The following DYNC2I1 variants were observed in gnomAD, a reference collection of about 807,000 sequenced individuals.
DYNC2I1 encodes the protein dynein 2 intermediate chain 1.
Under a neutral mutation model 133.4 loss-of-function variants are expected in DYNC2I1, and 89 were observed. That is an observed-to-expected ratio of 0.67 (90% confidence interval 0.56 to 0.80). The LOEUF (loss-of-function observed/expected upper bound fraction) is 0.80. Ranked by LOEUF, DYNC2I1 falls within the 30% of genes least tolerant of loss-of-function variation. The probability of loss-of-function intolerance (pLI) is 0.00; values close to 1 mark genes in which losing one functional copy is unlikely to be tolerated. For missense variants in DYNC2I1, 1,291 were observed against 1,314.5 expected (o/e 0.98, Z 0.28); for synonymous variants, 504 against 484.3 (o/e 1.04, Z -0.54).
chr7:158,870,679 A>AT (rs1022337273), intron 2 of DYNC2I1, among the ~76,000 whole-genome samples: 5 of 151,502 alleles, frequency 3.3e-5, no homozygotes, highest in Non-Finnish European at 5.9e-5. Context: ...GGTCCTACTT[A>AT]TTTTTTTTGA....
intron 5 of DYNC2I1, among the ~76,000 whole-genome samples, chr7:158,880,761 GTACTTA>G (rs1186023388): frequency 2.0e-5 from 3 of 152,114 alleles, no homozygotes; most frequent in Non-Finnish European, 4.4e-5. Flanking sequence ...TTTCATCCCT[GTACTTA>G]GGATTTTCCT....
chr7:158,940,758 G>A (rs150588721), intron 23 of DYNC2I1, among the ~76,000 whole-genome samples: 145 of 152,190 alleles, frequency 9.5e-4, no homozygotes, highest in African/African-American at 3.4e-3. Context: ...AATTAAGAAG[G>A]ACATTTAAAA....
At chr7:158,912,184 A>G (rs935577481) in intron 12 of DYNC2I1, among the ~76,000 whole-genome samples, 3 of 152,136 alleles carry the variant, frequency 2.0e-5, no homozygotes, top group African/African-American at 4.8e-5. Flanking sequence ...TCTTTCTCCT[A>G]TTCCAGAGTT....
downstream of DYNC2I1, among the ~76,000 whole-genome samples, chr7:158,957,374 A>C (rs1033684692): frequency 3.3e-5 from 5 of 152,182 alleles, no homozygotes; most frequent in Admixed American, 3.3e-4. Context: ...ACCCCTGGGA[A>C]GTGTGTTGTG....
intron 1 of DYNC2I1, among the ~76,000 whole-genome samples, chr7:158,857,231 C>T (rs1841351321): frequency 6.6e-6 from 1 of 152,154 alleles, no homozygotes; most frequent in Non-Finnish European, 1.5e-5. Flanking sequence ...ACTCACTTAA[C>T]ATGTCTTGTT....
chr7:158,860,113 T>C (rs1340481790), intron 1 of DYNC2I1, among the ~76,000 whole-genome samples: 1 of 151,756 alleles, frequency 6.6e-6, no homozygotes, highest in Non-Finnish European at 1.5e-5. Flanking sequence ...TGGAGTGCAG[T>C]GGTATGATCT....
At chr7:158,927,456 C>A (rs1849740451) in intron 20 of DYNC2I1, among the ~76,000 whole-genome samples, 1 of 150,630 alleles carries the variant, frequency 6.6e-6, no homozygotes, top group Admixed American at 6.6e-5. Flanking sequence ...ATATAAATTA[C>A]TACCTGAAAA....
At chr7:158,877,281 C>T (rs1054916467) in intron 4 of DYNC2I1, among the ~76,000 whole-genome samples, 1 of 149,732 alleles carries the variant, frequency 6.7e-6, no homozygotes, top group Admixed American at 6.7e-5. Flanking sequence ...GCTCTCCAGG[C>T]ACCTGCGGTT....
At chr7:158,898,650 A>G (rs1296483861) in intron 8 of DYNC2I1, among the ~76,000 whole-genome samples, 1 of 152,176 alleles carries the variant, frequency 6.6e-6, no homozygotes. Context: ...ATCCTCTCTG[A>G]CAATCTCTGT....
intron 14 of DYNC2I1, among the ~76,000 whole-genome samples, chr7:158,915,737 A>C (rs1848125401): frequency 6.8e-6 from 1 of 148,020 alleles, no homozygotes; most frequent in Admixed American, 6.7e-5. Context: ...ACGCTGGTTG[A>C]CATTAAGGAT....
intron 5 of DYNC2I1, among the ~76,000 whole-genome samples, chr7:158,883,882 T>G (rs1289186478): frequency 6.7e-6 from 1 of 150,224 alleles, no homozygotes; most frequent in Non-Finnish European, 1.5e-5. Context: ...GCCAGGATGG[T>G]CTCGATCTCC....
chr7:158,852,174 T>C (rs1841073098), upstream of DYNC2I1, among the ~76,000 whole-genome samples: 1 of 151,676 alleles, frequency 6.6e-6, no homozygotes, highest in Non-Finnish European at 1.5e-5. Context: ...TTGTCTGGAG[T>C]GCAGTGGTGT....
chr7:158,883,304 G>A (rs1488792636), intron 5 of DYNC2I1, among the ~76,000 whole-genome samples: 3 of 148,948 alleles, frequency 2.0e-5, no homozygotes, highest in Admixed American at 1.4e-4. Flanking sequence ...TGCAGCCTCC[G>A]CCTCCTGGGT....
the DYNC2I1 span, among the ~76,000 whole-genome samples, chr7:158,843,326 T>C: frequency 6.6e-6 from 1 of 152,196 alleles, no homozygotes; most frequent in African/African-American, 2.4e-5. Flanking sequence ...AGTGGCATGA[T>C]ATCAGCTCAC....
rs1851739927 is a variant in DYNC2I1 at position 158,945,031 on chromosome 7, G to C, written c.3003-550G>C. On this transcript the variant is annotated intron_variant, in intron 24 of 24. Coordinates refer to ENST00000407559, the MANE Select transcript of DYNC2I1 (RefSeq NM_018051.5). The surrounding 1 kb of genome is among the most constrained non-coding windows in gnomAD (Gnocchi z 4.1). ...GCTGGGGCCTGGTCAGGGAGCGTGT[G>C]GTCATCAGAGTGAGGGAAGGGGCCC... Among the ~76,000 whole-genome samples the C allele has an allele frequency of 6.6e-6, 1 of 152,154 alleles. No individual in the cohort carries two copies. The highest frequency in any genetic ancestry group is 6.5e-5 in the Admixed American group (1 of 15,276).
chr7:158,957,008 C>T (rs1278898663), downstream of DYNC2I1, among the ~76,000 whole-genome samples: 2 of 147,094 alleles, frequency 1.4e-5, no homozygotes, highest in East Asian at 1.9e-4. Context: ...CTTTGTTGAT[C>T]TCTGTCCTCT....
chr7:158,857,950 C>G (rs1210012079), intron 1 of DYNC2I1, among the ~76,000 whole-genome samples: 1 of 152,068 alleles, frequency 6.6e-6, no homozygotes, highest in Non-Finnish European at 1.5e-5. Context: ...GCCACTATGC[C>G]TGGCTAATTT....
intron 1 of DYNC2I1, among the ~76,000 whole-genome samples, chr7:158,860,707 G>A (rs1841799996): frequency 6.6e-6 from 1 of 152,180 alleles, no homozygotes; most frequent in Non-Finnish European, 1.5e-5. Flanking sequence ...TAATGTGTGA[G>A]TTTATTGTTA....
chr7:158,866,058 C>T (rs977693204), intron 1 of DYNC2I1, among the ~76,000 whole-genome samples: 5 of 151,894 alleles, frequency 3.3e-5, no homozygotes, highest in Admixed American at 6.6e-5. Flanking sequence ...CTGTCAGAGA[C>T]CTCTTGTCTT....
Sources: gnomAD v4.1 joint callset for allele counts (sites outside exome capture counted in the v4.1 genomes callset) on GRCh38, gnomAD v4.1.1 for gene constraint, Gnocchi (gnomAD v3.1) non-coding constraint, MANE v1.5 for transcripts, NCBI Gene and HGNC (gene_info 2026-07-23, HGNC 2026-07-21) for gene names.